The following RAB27A variants were observed in gnomAD, a reference collection of about 807,000 sequenced individuals.
RAB27A encodes the protein RAB27A, member RAS oncogene family, also known as ras-related protein Rab-27A.
A neutral mutation model predicts 20.8 loss-of-function variants in RAB27A; 17 were observed. The observed-to-expected ratio is 0.82, with a 90% confidence interval of 0.56 to 1.23. RAB27A has a LOEUF of 1.23. Among genes scored for constraint, RAB27A ranks in the 50% most tolerant of loss-of-function variants. The probability of loss-of-function intolerance (pLI) is 0.00; values close to 1 mark genes in which losing one functional copy is unlikely to be tolerated. For synonymous variants in RAB27A, 85 were observed against 92.8 expected, an observed-to-expected ratio of 0.92 and a Z score of 0.48; for missense variants, 277 against 266.7, an observed-to-expected ratio of 1.04 and a Z score of -0.27.
chr15:55,209,739 TAC>T (rs1176809064), intron 6 of RAB27A, among the ~76,000 whole-genome samples: 2 of 147,548 alleles, frequency 1.4e-5, no homozygotes, highest in South Asian at 2.1e-4. Flanking sequence ...CACATATATA[TAC>T]ACATATATAT....
At chr15:55,208,562 C>T (rs183679426) in intron 6 of RAB27A, among the ~76,000 whole-genome samples, 10 of 152,322 alleles carry the variant, frequency 6.6e-5, no homozygotes, top group Admixed American at 6.5e-4. Flanking sequence ...GAAGTTAAAA[C>T]ATTCCAGGCA....
At chr15:55,277,321 C>T (rs11855312) in intron 1 of RAB27A, among the ~76,000 whole-genome samples, 6,216 of 152,186 alleles carry the variant, frequency 0.041, 149 homozygotes, top group Non-Finnish European at 0.051. Flanking sequence ...TTTGTAACAG[C>T]CCTTGTAAAA....
chr15:55,219,944 AAAAC>A (rs1313791339), intron 6 of RAB27A, among the ~76,000 whole-genome samples: 3 of 152,164 alleles, frequency 2.0e-5, no homozygotes, highest in South Asian at 2.1e-4. Context: ...TTTCACAGCA[AAAAC>A]AAACAAACAA....
At chr15:55,273,600 A>G (rs76352389) in intron 1 of RAB27A, among the ~76,000 whole-genome samples, 1 of 152,250 alleles carries the variant, frequency 6.6e-6, no homozygotes, top group African/African-American at 2.4e-5. Flanking sequence ...AGGGGTGACT[A>G]TACTTATATC....
At chr15:55,301,953 C>A (rs923540024) in intron 2 of RAB27A, among the ~76,000 whole-genome samples, 8 of 151,924 alleles carry the variant, frequency 5.3e-5, no homozygotes, top group African/African-American at 1.9e-4. Flanking sequence ...GTTCATCACC[C>A]TAAAAATAAT....
chr15:55,222,891 G>A (rs1895639489), intron 6 of RAB27A, among the ~76,000 whole-genome samples: 1 of 152,134 alleles, frequency 6.6e-6, no homozygotes, highest in South Asian at 2.1e-4. Flanking sequence ...TGTGTGAGAG[G>A]CAGAAAGAAA....
chr15:55,225,635 T>G (rs933793956), intron 5 of RAB27A, among the ~76,000 whole-genome samples: 3 of 152,214 alleles, frequency 2.0e-5, no homozygotes, highest in African/African-American at 7.2e-5. Flanking sequence ...GAAGAGCATG[T>G]AAGTATCACC....
At chr15:55,214,587 T>C (rs945313092) in intron 6 of RAB27A, among the ~76,000 whole-genome samples, 2 of 152,214 alleles carry the variant, frequency 1.3e-5, no homozygotes, top group Non-Finnish European at 2.9e-5. Context: ...GACTCTAAAA[T>C]ATCTTAATCA....
intron 1 of RAB27A, among the ~76,000 whole-genome samples, chr15:55,280,503 T>TTATATATATATATATATATATATATA (rs71297648): frequency 9.4e-5 from 13 of 137,934 alleles, no homozygotes; most frequent in African/African-American, 3.4e-4. Context: ...TGGGTATGGT[T>TTATATATATATATATATATATATATA]TATATATATA....
chr15:55,258,586 C>T (rs1307864560), intron 2 of RAB27A, among the ~76,000 whole-genome samples: 4 of 152,228 alleles, frequency 2.6e-5, no homozygotes, highest in African/African-American at 9.7e-5. Flanking sequence ...CCTATGCACA[C>T]ATGTTCAGTA....
At chr15:55,210,122 G>T (rs1356092627) in intron 6 of RAB27A, among the ~76,000 whole-genome samples, 1 of 136,008 alleles carries the variant, frequency 7.4e-6, no homozygotes, top group Non-Finnish European at 1.6e-5. Flanking sequence ...ATACACATAT[G>T]TATATATAGT....
Position 55,317,910 on chromosome 15 carries a change from G to A in RAB27A, c.-234+1021C>T, listed in dbSNP as rs62018103. 8.3e-3 allele frequency: 3,196 copies of A among 387,262 alleles called. 20 individuals are homozygous for A. Among genetic ancestry groups the A allele is most frequent in the Non-Finnish European group, 0.01 (2,241 of 219,412 alleles). 24.0% of individuals were successfully genotyped at this position (387,262 alleles called of 1,614,324 possible). Reference sequence around the variant, plus strand: ...AAGCAAAGCCATCACTTAGTACAATGTCCTTTTAAAAGATGTTATGTCACT... The same window carrying A: ...AAGCAAAGCCATCACTTAGTACAATATCCTTTTAAAAGATGTTATGTCACT... On this transcript the variant is annotated intron_variant, in intron 1 of 5. Coordinates refer to the RAB27A transcript ENST00000563262.
chr15:55,232,405 A>T (rs947788765), intron 3 of RAB27A, among the ~76,000 whole-genome samples: 38 of 152,228 alleles, frequency 2.5e-4, no homozygotes, highest in African/African-American at 8.4e-4. Context: ...ACATTATTTT[A>T]AATGTCCAGT....
At chr15:55,294,592 A>G (rs969136425), upstream of RAB27A, among the ~76,000 whole-genome samples, 5 of 146,184 alleles carry the variant, frequency 3.4e-5, no homozygotes, top group Non-Finnish European at 7.5e-5. Context: ...TGTCTCCGAA[A>G]AAAAAAAAAA....
intron 6 of RAB27A, among the ~76,000 whole-genome samples, chr15:55,215,775 G>A (rs1346209178): frequency 6.7e-6 from 1 of 150,266 alleles, no homozygotes; most frequent in Non-Finnish European, 1.5e-5. Context: ...CAGAAACCCC[G>A]TCTCTACTAA....
intron 6 of RAB27A, among the ~76,000 whole-genome samples, chr15:55,210,672 C>G (rs1043115289): frequency 6.6e-6 from 1 of 152,032 alleles, no homozygotes. Context: ...TTATTAATCC[C>G]TGATCAGATG....
chr15:55,261,041 G>A (rs1897250655), intron 2 of RAB27A, among the ~76,000 whole-genome samples: 1 of 151,874 alleles, frequency 6.6e-6, no homozygotes, highest in Non-Finnish European at 1.5e-5. Flanking sequence ...TGGGAGGGAA[G>A]GGAATATATG....
At chr15:55,298,087 C>T (rs1403821300) in intron 2 of RAB27A, among the ~76,000 whole-genome samples, 1 of 151,668 alleles carries the variant, frequency 6.6e-6, no homozygotes, top group Non-Finnish European at 1.5e-5. Context: ...CAACTGTAGT[C>T]ACAGCTACTT....
chr15:55,229,483 C>T (rs2140975631), intron 4 of RAB27A, among the ~76,000 whole-genome samples: 1 of 152,228 alleles, frequency 6.6e-6, no homozygotes, highest in East Asian at 1.9e-4. Flanking sequence ...AGAGACCAGC[C>T]TGACCAACAT....
Sources: gnomAD v4.1 joint callset for allele counts (sites outside exome capture counted in the v4.1 genomes callset) on GRCh38, gnomAD v4.1.1 for gene constraint, MANE v1.5 for transcripts, NCBI Gene and HGNC (gene_info 2026-07-23, HGNC 2026-07-21) for gene names.